MRE11: variants seen among roughly 807,000 people sequenced by gnomAD.
MRE11 encodes the protein double-strand break repair protein MRE11.
Under a neutral mutation model 91.7 loss-of-function variants are expected in MRE11, and 62 were observed. The observed-to-expected ratio is 0.68, with a 90% CI of 0.55 to 0.84. The LOEUF (loss-of-function observed/expected upper bound fraction) is 0.84. Among genes scored for constraint, MRE11 ranks in the 40% least tolerant of loss-of-function variants. The probability of loss-of-function intolerance (pLI) is 0.00; values close to 1 mark genes in which losing one functional copy is unlikely to be tolerated. For synonymous variants in MRE11, 273 were observed against 271.4 expected, an observed-to-expected ratio of 1.01 and a Z score of -0.06; for missense variants, 796 against 852.9, an observed-to-expected ratio of 0.93 and a Z score of 0.83.
chr11:94,507,614 C>T, the MRE11 span, among the ~76,000 whole-genome samples: 25 of 152,154 alleles, frequency 1.6e-4, no homozygotes, highest in Non-Finnish European at 2.9e-4. Context: ...TTGCTCCACA[C>T]GCCCATGGCT....
intron 14 of MRE11, among the ~76,000 whole-genome samples, chr11:94,455,921 G>T (rs756519886): frequency 2.6e-5 from 4 of 151,978 alleles, no homozygotes; most frequent in Non-Finnish European, 5.9e-5. Context: ...TAGAGACAGG[G>T]TCTCACTCTG....
At chr11:94,455,708 G>A (rs1439633396) in intron 14 of MRE11, among the ~76,000 whole-genome samples, 4 of 152,060 alleles carry the variant, frequency 2.6e-5, no homozygotes, top group African/African-American at 9.7e-5. Context: ...GCCCATGCTT[G>A]CTTACTTATG....
intron 16 of MRE11, among the ~76,000 whole-genome samples, chr11:94,442,254 T>G (rs1422680461): frequency 6.6e-6 from 1 of 152,128 alleles, no homozygotes; most frequent in Admixed American, 6.6e-5. Context: ...ATCTTTAGAT[T>G]CATCACAGTG....
chr11:94,458,023 AAC>A (rs1946306842), intron 13 of MRE11, among the ~76,000 whole-genome samples: 1 of 136,194 alleles, frequency 7.3e-6, no homozygotes, highest in Non-Finnish European at 1.6e-5. Flanking sequence ...TAAATTAGCA[AAC>A]CCAACACATC....
At position 94,420,011 on chromosome 11, in the gene MRE11, A is replaced by G. The variant is rs1591620847; in HGVS notation, c.*114T>C. ...TATGTCTGTGAACTAGAAATTTCTTACTTATGGAGTTATGCTCAGGAAACA... is the reference window on the plus strand; with the variant it reads ...TATGTCTGTGAACTAGAAATTTCTTGCTTATGGAGTTATGCTCAGGAAACA... On this transcript the variant is annotated 3_prime_UTR_variant, in exon 20 of 20. Transcript: ENST00000323929. 3 of 806,796 alleles carry G rather than the reference A, an allele frequency of 3.7e-6. No individual in the cohort carries two copies. The highest frequency in any genetic ancestry group is 3.7e-4 in the Middle Eastern group (1 of 2,672). The allele number at this position is 806,796 out of a possible 1,614,324, so 50.0% of individuals were successfully genotyped here. A position where few individuals can be genotyped will look rare whatever the true frequency, so the allele number is the denominator to read the frequency against.
chr11:94,453,629 T>C (rs867566937), intron 14 of MRE11, among the ~76,000 whole-genome samples: 2 of 152,366 alleles, frequency 1.3e-5, no homozygotes, highest in South Asian at 2.1e-4. Context: ...GAAATGTCTA[T>C]TCAAGTCCTT....
chr11:94,492,582 T>C (rs1947312606), intron 2 of MRE11, 200 bp downstream of exon 2: 1 of 913,828 alleles, frequency 1.1e-6, no homozygotes, highest in African/African-American at 1.7e-5. Context: ...GACTCCAATC[T>C]ATAGCTGCAT....
chr11:94,510,852 G>A, the MRE11 span, among the ~76,000 whole-genome samples: 4 of 152,190 alleles, frequency 2.6e-5, no homozygotes, highest in South Asian at 2.1e-4. Context: ...ATACACACAC[G>A]TACAAACATG....
chr11:94,441,064 C>A (rs529472297), intron 16 of MRE11, among the ~76,000 whole-genome samples: 161 of 152,254 alleles, frequency 1.1e-3, no homozygotes, highest in African/African-American at 3.7e-3. Flanking sequence ...AGATAAGACA[C>A]CAAACTAGAA....
At chr11:94,498,071 C>T (rs759240841), upstream of MRE11, 1 of 1,589,664 alleles carries the variant, frequency 6.3e-7, no homozygotes, top group Non-Finnish European at 8.6e-7. Flanking sequence ...TTCTTCTCAG[C>T]TTACCACAGT....
chr11:94,463,113 G>T (rs1429190521), intron 11 of MRE11, among the ~76,000 whole-genome samples: 1 of 152,160 alleles, frequency 6.6e-6, no homozygotes, highest in Non-Finnish European at 1.5e-5. Flanking sequence ...TTCAAAAAGT[G>T]GGTGAAGGAT....
Position 94,476,341 on chromosome 11 carries a change from G to C in MRE11, c.607C>G (p.Pro203Ala). The C allele has an allele frequency of 6.2e-7, 1 of 1,613,450 alleles. No individual in the cohort carries two copies. The highest frequency in any genetic ancestry group is 8.5e-7 in the Non-Finnish European group (1 of 1,179,624). Reference sequence around the variant, plus strand: ...AACCAAGAGTTCTCATCTTCCTTTGGTCTCAACATTGTTACTTTTTTATTG... The same window carrying C: ...AACCAAGAGTTCTCATCTTCCTTTGCTCTCAACATTGTTACTTTTTTATTG... ...FVNKKVTMLR[P>A]KEDENSWFNL... Residue 203 changes from proline (P) to alanine (A), a missense_variant, in exon 7 of 20, where the codon CCA (proline) becomes GCA (alanine). By Grantham distance (27) the Pro-to-Ala change is conservative. Coordinates refer to ENST00000323929, the MANE Select transcript of MRE11 (RefSeq NM_005591.4).
At chr11:94,424,548 A>G (rs929015362) in intron 19 of MRE11, among the ~76,000 whole-genome samples, 1 of 152,236 alleles carries the variant, frequency 6.6e-6, no homozygotes. Context: ...TAGAATCTGG[A>G]TGGCAGGGAA....
intron 16 of MRE11, among the ~76,000 whole-genome samples, chr11:94,443,537 C>G (rs1414792203): frequency 6.6e-6 from 1 of 152,176 alleles, no homozygotes; most frequent in Non-Finnish European, 1.5e-5. Flanking sequence ...ACATATAAAA[C>G]AGGGGAACAA....
At chr11:94,455,620 A>G (rs567809886) in intron 14 of MRE11, among the ~76,000 whole-genome samples, 5 of 152,310 alleles carry the variant, frequency 3.3e-5, no homozygotes, top group Non-Finnish European at 7.3e-5. Context: ...CAAACCTGCA[A>G]TGAGACTGAG....
rs786203222 is a variant in MRE11 at position 94,485,988 on chromosome 11, T to C, written c.250A>G (p.Met84Val). 12 of 1,613,920 alleles carry C rather than the reference T, an allele frequency of 7.4e-6. No homozygotes were observed. In the Admixed American group the frequency reaches 1.2e-4, roughly 16 times the overall value. ...TCLELLRKYCMGDRPVQFEIL... is the reference protein window; with the variant it reads ...TCLELLRKYCVGDRPVQFEIL... ...TCAAACTGGACAGGCCGATCACCCA[T>C]ACAATATTTTCTTAATAACTCGAGG... The change falls in exon 4 of 20, where the codon ATG becomes GTG. Residue 84 changes from methionine (M) to valine (V), a missense_variant. Met to Val is a conservative substitution (Grantham distance 21). Coordinates refer to ENST00000323929, the MANE Select transcript of MRE11 (RefSeq NM_005591.4).
chr11:94,420,951 G>A (rs1436879502), intron 19 of MRE11, among the ~76,000 whole-genome samples: 1 of 151,848 alleles, frequency 6.6e-6, no homozygotes, highest in Non-Finnish European at 1.5e-5. Flanking sequence ...AGAATGGCGT[G>A]AAACTGGGAG....
chr11:94,461,414 T>C (rs754810365), intron 11 of MRE11, among the ~76,000 whole-genome samples: 1 of 152,214 alleles, frequency 6.6e-6, no homozygotes, highest in African/African-American at 2.4e-5. Context: ...AAAGCAATCA[T>C]GGGTACTGCT....
chr11:94,507,542 A>G, the MRE11 span, among the ~76,000 whole-genome samples: 3 of 152,190 alleles, frequency 2.0e-5, no homozygotes, highest in African/African-American at 4.8e-5. Context: ...AAAACTGCCA[A>G]AACAGTTCTC....
Sources: allele counts gnomAD v4.1 joint callset (sites outside exome capture counted in the v4.1 genomes callset), GRCh38; gene constraint gnomAD v4.1.1; transcripts MANE v1.5; gene names NCBI Gene and HGNC (gene_info 2026-07-23, HGNC 2026-07-21).